The following CTSH variants were observed in gnomAD, a reference collection of about 807,000 sequenced individuals.
CTSH encodes pro-cathepsin H.
In CTSH, 52 loss-of-function variants were observed where a neutral mutation model predicts 56.3. The ratio of observed to expected loss-of-function variants is 0.92; its 90% CI spans 0.74 to 1.16. The LOEUF (loss-of-function observed/expected upper bound fraction) is 1.16, where lower values mean the gene tolerates loss of function less well. CTSH is among the 50% of genes most tolerant of loss of function. The pLI, the probability that CTSH is intolerant of heterozygous loss-of-function variation, is 0.00. For missense variants in CTSH, 406 were observed against 424.5 expected (o/e 0.96, Z 0.38); for synonymous variants, 174 against 155.7 (o/e 1.12, Z -0.88).
At position 78,944,873 on chromosome 15, in the gene CTSH, G is replaced by A. The variant is rs558555463; in HGVS notation, c.91+18C>T. The A allele has an allele frequency of 7.1e-6, 11 of 1,544,824 alleles. No individual in the cohort carries two copies. The Admixed American group carries it at 1.8e-4, about 25-fold the overall frequency. On this transcript the variant is annotated intron_variant, in intron 1 of 11. Transcript: ENST00000220166. Reference sequence around the variant, plus strand: ...AGGGCCTGCTAGCACCCTCTCGGGCGGCGCGCCCTCTGCGTACCTAAGGAG... The same window carrying A: ...AGGGCCTGCTAGCACCCTCTCGGGCAGCGCGCCCTCTGCGTACCTAAGGAG...
intron 5 of CTSH, 96 bp downstream of exon 5, chr15:78,934,882 G>A: frequency 1.2e-6 from 1 of 814,974 alleles, no homozygotes; most frequent in East Asian, 2.5e-5. Flanking sequence ...GGATGTGCTT[G>A]TGGTGGTTTT....
At position 78,921,886 on chromosome 15, in the gene CTSH, G is replaced by A. The variant is rs1339622726; in HGVS notation, c.*244C>T. 4 of 540,948 alleles carry A rather than the reference G, an allele frequency of 7.4e-6. No individual in the cohort carries two copies. The East Asian group carries it at 1.2e-4, about 17-fold the overall frequency. The allele number at this position is 540,948 out of a possible 1,614,324, so 33.5% of individuals were successfully genotyped here. A position where few individuals can be genotyped will look rare whatever the true frequency, so the allele number is the denominator to read the frequency against. ...AGAAAGAATATTCGTGGTCCATGTGGTTTGAGTCTGTTAAGAAGGACACTA... is the reference window on the plus strand; with the variant it reads ...AGAAAGAATATTCGTGGTCCATGTGATTTGAGTCTGTTAAGAAGGACACTA... On this transcript the variant is annotated 3_prime_UTR_variant, in exon 12 of 12. Coordinates refer to ENST00000220166, the MANE Select transcript of CTSH (RefSeq NM_004390.5).
chr15:78,933,897 T>A (rs1300705135), intron 5 of CTSH, among the ~76,000 whole-genome samples: 1 of 152,162 alleles, frequency 6.6e-6, no homozygotes, highest in Non-Finnish European at 1.5e-5. Context: ...AAGCACCTCA[T>A]TCCGCTCCCT....
At chr15:78,941,440 AAAAAAAAAAAT>A (rs1314026479) in intron 1 of CTSH, among the ~76,000 whole-genome samples, 1 of 149,424 alleles carries the variant, frequency 6.7e-6, no homozygotes, top group East Asian at 2.0e-4. Flanking sequence ...AAAAAAAAAA[AAAAAAAAAAAT>A]TAAATGTTTT....
chr15:78,937,727 G>A, intron 2 of CTSH: 1 of 1,352,234 alleles, frequency 7.4e-7, no homozygotes, highest in African/African-American at 1.5e-5. Context: ...TGCTGGTGCT[G>A]GGTCAAGTTT....
rs2054883560 is a variant in CTSH, at chr15:78,925,444, T to C, written c.700-4A>G. Reference sequence around the variant, plus strand: ...CCACCATCGCTTCCTCGTCATACTGTGGAAACAGGACCGAGACAGAAACAC... The same window carrying C: ...CCACCATCGCTTCCTCGTCATACTGCGGAAACAGGACCGAGACAGAAACAC... On this transcript the variant is annotated splice_polypyrimidine_tract_variant and splice_region_variant and intron_variant, in intron 9 of 11. Transcript: ENST00000220166. 1 of 1,600,432 alleles carries C rather than the reference T, an allele frequency of 6.2e-7. No individual in the cohort carries two copies.
chr15:78,931,376 AGCACACACTGGATCCTGTC>A, intron 7 of CTSH, 56 bp downstream of exon 7: 1 of 1,589,380 alleles, frequency 6.3e-7, no homozygotes, highest in Non-Finnish European at 8.6e-7. Flanking sequence ...TGGCAGACCC[AGCACACACTGGATCCTGTC>A]GAAGCGGTCA....
intron 1 of CTSH, 69 bp from the exon 2 acceptor site, chr15:78,939,240 C>T: frequency 7.8e-7 from 1 of 1,275,276 alleles, no homozygotes; most frequent in Non-Finnish European, 1.1e-6. Flanking sequence ...CAAAGTAGGG[C>T]ACTTTAGAAC....
At position 78,939,181 on chromosome 15, in the gene CTSH, G is replaced by GAA. The variant is rs35398112; in HGVS notation, c.92-12_92-11dup. 6,634 of 1,363,432 alleles carry GAA rather than the reference G, an allele frequency of 4.9e-3. No individual in the cohort carries two copies. Among genetic ancestry groups the GAA allele is most frequent in the Non-Finnish European group, 6.0e-3 (5,842 of 980,282 alleles). The allele number at this position is 1,363,432 out of a possible 1,614,324, so 84.5% of individuals were successfully genotyped here. The stretch of plus-strand genomic sequence containing the variant: ...TTGAAGTGAAACTTCTCTGTAAAAA[G>GAA]AAAAAAAAAATTAGGTCTGGGCGCA... On this transcript the variant is annotated splice_polypyrimidine_tract_variant and intron_variant, in intron 1 of 11. Transcript: ENST00000220166.
intron 2 of CTSH, 65 bp from the exon 3 acceptor site, chr15:78,937,488 T>C: frequency 2.7e-6 from 4 of 1,467,970 alleles, no homozygotes; most frequent in Non-Finnish European, 3.7e-6. Flanking sequence ...GGGAGACCTT[T>C]TTGTTTTCCT....
chr15:78,927,879 G>GC, intron 8 of CTSH, 98 bp from the exon 9 acceptor site: 2 of 951,714 alleles, frequency 2.1e-6, no homozygotes, highest in Non-Finnish European at 3.4e-6. Flanking sequence ...AACAAGATGT[G>GC]CCAGGGCCTG....
chr15:78,941,301 T>C (rs570753399), intron 1 of CTSH, among the ~76,000 whole-genome samples: 1 of 151,600 alleles, frequency 6.6e-6, no homozygotes, highest in Non-Finnish European at 1.5e-5. Context: ...GGCATGCACC[T>C]GTAGTCCCAG....
chr15:78,941,553 G>A (rs1012334571), intron 1 of CTSH, among the ~76,000 whole-genome samples: 1 of 151,820 alleles, frequency 6.6e-6, no homozygotes, highest in African/African-American at 2.4e-5. Context: ...AGCACTTTGA[G>A]AGGCTGAGAC....
intron 5 of CTSH, among the ~76,000 whole-genome samples, chr15:78,932,964 G>A (rs2055097031): frequency 6.6e-6 from 1 of 152,018 alleles, no homozygotes; most frequent in Admixed American, 6.5e-5. Context: ...GCCCAGTCCT[G>A]TTAAACTAAC....
At chr15:78,939,078 G>T in intron 2 of CTSH, 62 bp downstream of exon 2, 2 of 1,432,356 alleles carry the variant, frequency 1.4e-6, no homozygotes, top group Non-Finnish European at 1.9e-6. Flanking sequence ...GGGACAGTTT[G>T]GTTTGATAAC....
intron 3 of CTSH, 153 bp downstream of exon 3, chr15:78,937,165 G>C: frequency 3.1e-6 from 2 of 639,310 alleles, no homozygotes; most frequent in Non-Finnish European, 2.8e-6. Flanking sequence ...ATTACACAGA[G>C]AGTAACAGCG....
intron 5 of CTSH, chr15:78,933,630 G>A (rs887212779): frequency 4.8e-6 from 2 of 417,118 alleles, no homozygotes; most frequent in African/African-American, 4.1e-5. Context: ...CACTTCGGGG[G>A]AGACTAAGCT....
At chr15:78,928,986 ATGG>A (rs2054985300) in intron 8 of CTSH, among the ~76,000 whole-genome samples, 1 of 143,580 alleles carries the variant, frequency 7.0e-6, no homozygotes, top group Admixed American at 6.9e-5. Flanking sequence ...GGCGGAGGTG[ATGG>A]TGGGAGGCCC....
At chr15:78,942,402 G>C (rs997555019) in intron 1 of CTSH, among the ~76,000 whole-genome samples, 1 of 151,994 alleles carries the variant, frequency 6.6e-6, no homozygotes, top group African/African-American at 2.4e-5. Context: ...TAGTAGAGAT[G>C]GGGTTTCACC....
Sources: allele counts gnomAD v4.1 joint callset (sites outside exome capture counted in the v4.1 genomes callset), GRCh38; gene constraint gnomAD v4.1.1; transcripts MANE v1.5; gene names NCBI Gene and HGNC (gene_info 2026-07-23, HGNC 2026-07-21).